Variants in TMEM232 observed in about 807,000 individuals in gnomAD.
TMEM232 encodes the protein transmembrane protein 232.
In TMEM232, 80 loss-of-function variants were observed where a neutral mutation model predicts 78.8. The observed-to-expected ratio is 1.01, with a 90% confidence interval of 0.85 to 1.22. The LOEUF is 1.22. Among genes scored for constraint, TMEM232 ranks in the 50% most tolerant of loss-of-function variants. TMEM232 has a pLI of 0.00. For synonymous variants in TMEM232, 297 were observed against 254.3 expected, an observed-to-expected ratio of 1.17 and a Z score of -1.60; for missense variants, 881 against 742.2, an observed-to-expected ratio of 1.19 and a Z score of -2.17.
At chr5:110,566,159 A>T (rs2149676482) in intron 11 of TMEM232, among the ~76,000 whole-genome samples, 1 of 151,964 alleles carries the variant, frequency 6.6e-6, no homozygotes, top group African/African-American at 2.4e-5. Flanking sequence ...TATCAGTTCT[A>T]TGCTTTTTAT....
intron 10 of TMEM232, among the ~76,000 whole-genome samples, chr5:110,582,517 C>T (rs554634398): frequency 7.9e-5 from 12 of 151,820 alleles, no homozygotes; most frequent in Admixed American, 4.6e-4. Flanking sequence ...GAGGTGGAAA[C>T]GAGGGGAAGA....
At chr5:110,490,119 CAAAAAGAA>C (rs1238341814) in intron 12 of TMEM232, among the ~76,000 whole-genome samples, 13 of 75,610 alleles carry the variant, frequency 1.7e-4, no homozygotes, top group Non-Finnish European at 3.6e-4. Context: ...AACTCCGTTT[CAAAAAGAA>C]AGAAAGAAAG....
chr5:110,686,978 G>T (rs1039410340), intron 1 of TMEM232, among the ~76,000 whole-genome samples: 1 of 151,980 alleles, frequency 6.6e-6, no homozygotes, highest in Admixed American at 6.6e-5. Context: ...ATGTATTATT[G>T]ATCCTCATCT....
chr5:110,548,564 AC>A (rs1250073038), intron 11 of TMEM232, among the ~76,000 whole-genome samples: 1 of 151,878 alleles, frequency 6.6e-6, no homozygotes, highest in Admixed American at 6.6e-5. Flanking sequence ...AATTAAAAAA[AC>A]AAAATCTTTT....
intron 12 of TMEM232, among the ~76,000 whole-genome samples, chr5:110,434,090 A>G (rs1297592372): frequency 1.3e-5 from 2 of 151,722 alleles, no homozygotes; most frequent in Admixed American, 1.3e-4. Flanking sequence ...AAATGAAAGC[A>G]CAAGAAAAGA....
chr5:110,605,021 T>C (rs952741038), intron 10 of TMEM232, 88 bp downstream of exon 10: 65 of 1,336,176 alleles, frequency 4.9e-5, no homozygotes, highest in Non-Finnish European at 5.9e-5. Flanking sequence ...TATTTCTAAA[T>C]ATTAACTTTG....
At chr5:110,543,946 A>G (rs1023060053) in intron 11 of TMEM232, among the ~76,000 whole-genome samples, 5 of 152,198 alleles carry the variant, frequency 3.3e-5, no homozygotes, top group South Asian at 4.1e-4. Flanking sequence ...CTTGAATGCC[A>G]TCTATGCATA....
At chr5:110,706,399 G>A (rs1407296899) in intron 1 of TMEM232, among the ~76,000 whole-genome samples, 2 of 152,042 alleles carry the variant, frequency 1.3e-5, no homozygotes, top group Non-Finnish European at 2.9e-5. Context: ...GTTACTCACT[G>A]TATTATTGAT....
intron 10 of TMEM232, among the ~76,000 whole-genome samples, chr5:110,593,993 A>T (rs538347439): frequency 6.6e-6 from 1 of 152,216 alleles, no homozygotes; most frequent in East Asian, 1.9e-4. Context: ...TTTAAAAATC[A>T]CACTGTTGTG....
At chr5:110,471,733 G>A (rs986772112) in intron 12 of TMEM232, among the ~76,000 whole-genome samples, 6 of 151,962 alleles carry the variant, frequency 3.9e-5, no homozygotes, top group Admixed American at 6.6e-5. Flanking sequence ...CAAAAGTTGA[G>A]GAAATTTATC....
At chr5:110,515,694 G>A (rs564046381) in intron 12 of TMEM232, among the ~76,000 whole-genome samples, 1 of 152,228 alleles carries the variant, frequency 6.6e-6, no homozygotes, top group South Asian at 2.1e-4. Flanking sequence ...ATTTCATGGG[G>A]CATTATAGCA....
intron 8 of TMEM232, chr5:110,610,619 G>T (rs1488529604): frequency 4.5e-6 from 2 of 440,378 alleles, no homozygotes; most frequent in African/African-American, 4.1e-5. Context: ...GACAAGAAAG[G>T]GTGCCAGTTA....
At chr5:110,650,525 A>C (rs562633562) in intron 2 of TMEM232, among the ~76,000 whole-genome samples, 21 of 152,266 alleles carry the variant, frequency 1.4e-4, no homozygotes, top group Admixed American at 1.2e-3. Flanking sequence ...CCCTGATGTG[A>C]TGTGATGAGA....
intron 2 of TMEM232, among the ~76,000 whole-genome samples, chr5:110,398,028 T>C (rs971949243): frequency 6.6e-6 from 1 of 152,170 alleles, no homozygotes; most frequent in Admixed American, 6.6e-5. Context: ...GAGAACTCAG[T>C]AAATTAAAAT....
At chr5:110,652,853 C>CT in intron 2 of TMEM232, among the ~76,000 whole-genome samples, 1 of 152,168 alleles carries the variant, frequency 6.6e-6, no homozygotes, top group Non-Finnish European at 1.5e-5. Flanking sequence ...CAAAGATAAT[C>CT]TAGTCTAAAT....
chr5:110,635,905 G>T (rs1391014039), intron 5 of TMEM232, among the ~76,000 whole-genome samples: 2 of 151,910 alleles, frequency 1.3e-5, no homozygotes, highest in Non-Finnish European at 2.9e-5. Flanking sequence ...TTCCACTAGT[G>T]GGAATTTATC....
At chr5:110,553,912 C>T (rs1208864580) in intron 11 of TMEM232, among the ~76,000 whole-genome samples, 1 of 152,120 alleles carries the variant, frequency 6.6e-6, no homozygotes, top group African/African-American at 2.4e-5. Flanking sequence ...TTGAGGGTTC[C>T]TAACATGAAG....
At chr5:110,441,487 C>A (rs1176789131) in intron 12 of TMEM232, among the ~76,000 whole-genome samples, 1 of 152,174 alleles carries the variant, frequency 6.6e-6, no homozygotes, top group Non-Finnish European at 1.5e-5. Flanking sequence ...CATGATGGCA[C>A]CAATAATCCC....
intron 1 of TMEM232, among the ~76,000 whole-genome samples, chr5:110,675,194 G>A (rs979991777): frequency 6.6e-6 from 1 of 151,984 alleles, no homozygotes; most frequent in Non-Finnish European, 1.5e-5. Flanking sequence ...ACAGGCGCAC[G>A]TCACCATGCC....
Sources: allele counts gnomAD v4.1 joint callset (sites outside exome capture counted in the v4.1 genomes callset), GRCh38; gene constraint gnomAD v4.1.1; transcripts MANE v1.5; gene names NCBI Gene and HGNC (gene_info 2026-07-23, HGNC 2026-07-21).